Variants in ST8SIA6 observed in about 807,000 individuals in gnomAD.
ST8SIA6 encodes alpha-2,8-sialyltransferase 8F.
A neutral mutation model predicts 33.6 loss-of-function variants in ST8SIA6; 39 were observed. The ratio of observed to expected loss-of-function variants is 1.16; its 90% CI spans 0.90 to 1.52. The LOEUF (loss-of-function observed/expected upper bound fraction) is 1.52. ST8SIA6 is among the 40% of genes most tolerant of loss of function. ST8SIA6 has a pLI of 0.00. For synonymous variants in ST8SIA6, 172 were observed against 167.2 expected, an observed-to-expected ratio of 1.03 and a Z score of -0.22; for missense variants, 441 against 443.8, an observed-to-expected ratio of 0.99 and a Z score of 0.06.
At chr10:17,445,923 T>G (rs1852690279) in intron 2 of ST8SIA6, among the ~76,000 whole-genome samples, 1 of 152,072 alleles carries the variant, frequency 6.6e-6, no homozygotes, top group Non-Finnish European at 1.5e-5. Context: ...CACCTAGGAA[T>G]GCATGTACTT....
intron 3 of ST8SIA6, among the ~76,000 whole-genome samples, chr10:17,369,541 A>C (rs547500439): frequency 1.3e-5 from 2 of 152,260 alleles, no homozygotes; most frequent in South Asian, 4.1e-4. Context: ...AGATCATCAT[A>C]GTCTGTTGTT....
At chr10:17,360,641 A>T (rs1029383548) in intron 3 of ST8SIA6, among the ~76,000 whole-genome samples, 1 of 152,036 alleles carries the variant, frequency 6.6e-6, no homozygotes, top group African/African-American at 2.4e-5. Context: ...GACAACTGAC[A>T]CCAATAAGAA....
At chr10:17,343,733 A>G (rs1848746498) in intron 4 of ST8SIA6, among the ~76,000 whole-genome samples, 1 of 152,204 alleles carries the variant, frequency 6.6e-6, no homozygotes, top group Non-Finnish European at 1.5e-5. Flanking sequence ...TAGAAATGCA[A>G]ACACGTGATC....
intron 2 of ST8SIA6, among the ~76,000 whole-genome samples, chr10:17,412,221 T>G (rs993424546): frequency 6.6e-6 from 1 of 152,148 alleles, no homozygotes; most frequent in Admixed American, 6.5e-5. Context: ...GGACAATGCC[T>G]GCTCTCCCTG....
At chr10:17,342,733 G>A (rs571545556) in intron 4 of ST8SIA6, among the ~76,000 whole-genome samples, 136 of 152,206 alleles carry the variant, frequency 8.9e-4, no homozygotes, top group African/African-American at 3.0e-3. Flanking sequence ...GATGGATCAC[G>A]AGTTCAGAAG....
At chr10:17,385,401 G>C (rs1033810308) in intron 3 of ST8SIA6, among the ~76,000 whole-genome samples, 1 of 152,172 alleles carries the variant, frequency 6.6e-6, no homozygotes, top group Non-Finnish European at 1.5e-5. Context: ...TGTGTGAAGA[G>C]ACCACCAAAC....
At chr10:17,429,692 C>T (rs1309305482) in intron 2 of ST8SIA6, among the ~76,000 whole-genome samples, 1 of 151,818 alleles carries the variant, frequency 6.6e-6, no homozygotes, top group Admixed American at 6.6e-5. Flanking sequence ...ACTATGTTGC[C>T]CAGGCTGGTC....
chr10:17,435,714 G>C (rs1246164666), intron 2 of ST8SIA6, among the ~76,000 whole-genome samples: 2 of 148,982 alleles, frequency 1.3e-5, no homozygotes, highest in Non-Finnish European at 3.0e-5. Flanking sequence ...TGGGGGGTTG[G>C]GGGGGTGGGG....
rs1259877788 is a variant in ST8SIA6, at chr10:17,318,740, G to A, written c.*2138C>T. On this transcript the variant is annotated 3_prime_UTR_variant, in exon 8 of 8. Transcript: ENST00000377602. ...TTTTTCTTTTTGTTTTGCACTTGGT[G>A]AAAAATTTGCAATGATTCACCAATA... 4.3e-6 allele frequency: 2 copies of A among 470,392 alleles called. No individual in the cohort carries two copies. Among genetic ancestry groups the A allele is most frequent in the Non-Finnish European group, 8.8e-6 (2 of 227,036 alleles). The allele number at this position is 470,392 out of a possible 1,614,324, so 29.1% of individuals were successfully genotyped here.
chr10:17,426,443 G>T (rs1204092598), intron 2 of ST8SIA6, among the ~76,000 whole-genome samples: 2 of 152,148 alleles, frequency 1.3e-5, no homozygotes, highest in East Asian at 3.9e-4. Flanking sequence ...GGAGAGTTCT[G>T]GGAGCCAGTG....
intron 3 of ST8SIA6, among the ~76,000 whole-genome samples, chr10:17,360,331 CA>C: frequency 6.6e-6 from 1 of 151,958 alleles, no homozygotes; most frequent in Middle Eastern, 3.2e-3. Flanking sequence ...TATTAGTGAT[CA>C]AAGGCTCTAC....
At chr10:17,374,621 G>A (rs1411793032) in intron 3 of ST8SIA6, among the ~76,000 whole-genome samples, 1 of 151,648 alleles carries the variant, frequency 6.6e-6, no homozygotes, top group Non-Finnish European at 1.5e-5. Flanking sequence ...GGCGGAGGTA[G>A]GAGAATCACT....
At chr10:17,441,304 C>CTTTATTTATTTATTTG (rs1852482965) in intron 2 of ST8SIA6, among the ~76,000 whole-genome samples, 1 of 148,126 alleles carries the variant, frequency 6.8e-6, no homozygotes, top group African/African-American at 2.5e-5. Flanking sequence ...TCTAAATTAT[C>CTTTATTTATTTATTTG]TTTATTTATT....
chr10:17,425,093 A>C (rs959039734), intron 2 of ST8SIA6, among the ~76,000 whole-genome samples: 1 of 152,196 alleles, frequency 6.6e-6, no homozygotes, highest in Non-Finnish European at 1.5e-5. Context: ...TTTGGGACTC[A>C]ACATTGGAAT....
In ST8SIA6 at chr10:17,318,564, A is replaced by G. The variant is rs1847844503; in HGVS notation, c.*2314T>C. On this transcript the variant is annotated 3_prime_UTR_variant, in exon 8 of 8. Transcript: ENST00000377602. ...CCAGAACTCAGACTTTCCATTCTCA[A>G]TGCCCTTAGATGTACTTGAGTTTTA... The G allele has an allele frequency of 2.5e-6, 1 of 407,226 alleles. No homozygotes were observed. 25.2% of individuals were successfully genotyped at this position (407,226 alleles called of 1,614,324 possible). A position where few individuals can be genotyped will look rare whatever the true frequency, so the allele number is the denominator to read the frequency against.
At chr10:17,443,617 T>A (rs1852585235) in intron 2 of ST8SIA6, among the ~76,000 whole-genome samples, 1 of 152,252 alleles carries the variant, frequency 6.6e-6, no homozygotes, top group African/African-American at 2.4e-5. Flanking sequence ...TAATGACTGA[T>A]TATCTACAGC....
At chr10:17,448,515 T>C (rs1852796417) in intron 2 of ST8SIA6, among the ~76,000 whole-genome samples, 1 of 152,228 alleles carries the variant, frequency 6.6e-6, no homozygotes. Flanking sequence ...GCCGTTTCAT[T>C]AATCTCCCAA....
intron 2 of ST8SIA6, chr10:17,410,109 C>G (rs1233392510): frequency 6.6e-6 from 1 of 152,178 alleles, no homozygotes; most frequent in East Asian, 1.9e-4. Context: ...ACATTCAAAA[C>G]TGGAGAGTGT....
intron 7 of ST8SIA6, among the ~76,000 whole-genome samples, chr10:17,322,864 T>A (rs1848001916): frequency 6.6e-6 from 1 of 152,212 alleles, no homozygotes; most frequent in South Asian, 2.1e-4. Flanking sequence ...ACATTGGAAG[T>A]ACAACTGAAT....
Sources: allele counts gnomAD v4.1 joint callset (sites outside exome capture counted in the v4.1 genomes callset), GRCh38; gene constraint gnomAD v4.1.1; transcripts MANE v1.5; gene names NCBI Gene and HGNC (gene_info 2026-07-23, HGNC 2026-07-21).